The following MS4A3 variants were observed in gnomAD, a reference collection of about 807,000 sequenced individuals.
The protein encoded by MS4A3 is membrane-spanning 4-domains subfamily A member 3.
In MS4A3, 18 loss-of-function variants were observed where a neutral mutation model predicts 24.7. That is an observed-to-expected ratio of 0.73 (90% CI 0.50 to 1.08). The LOEUF (loss-of-function observed/expected upper bound fraction) is 1.08, where lower values mean the gene tolerates loss of function less well. Ranked by LOEUF, MS4A3 falls within the 50% of genes least tolerant of loss-of-function variation. The probability of loss-of-function intolerance (pLI) is 0.00; values close to 1 mark genes in which losing one functional copy is unlikely to be tolerated. For synonymous variants in MS4A3, 84 were observed against 95.3 expected (o/e 0.88, Z 0.69); for missense variants, 282 against 251.7 (o/e 1.12, Z -0.82).
Position 60,071,080 on chromosome 11 carries a change from GGTT to G in MS4A3, c.*848_*850del. On this transcript the variant is annotated 3_prime_UTR_variant, in exon 7 of 7. Coordinates refer to ENST00000278865, the MANE Select transcript of MS4A3 (RefSeq NM_006138.5). ...CAACTACTTTGTCGGTTGCTCTGAGGGTTAAATGAAAATAAAAAGAAAATGTGA... is the reference window on the plus strand; with the variant it reads ...CAACTACTTTGTCGGTTGCTCTGAGGAAATGAAAATAAAAAGAAAATGTGA... 6.6e-6 allele frequency: 1 copy of G among 152,260 alleles called. No individual in the cohort carries two copies. 9.4% of individuals were successfully genotyped at this position (152,260 alleles called of 1,614,324 possible). A position where few individuals can be genotyped will look rare whatever the true frequency, so the allele number is the denominator to read the frequency against.
At chr11:60,059,178 A>C (rs948260984) in intron 1 of MS4A3, among the ~76,000 whole-genome samples, 1 of 152,184 alleles carries the variant, frequency 6.6e-6, no homozygotes, top group Non-Finnish European at 1.5e-5. Flanking sequence ...CAGTGTAATA[A>C]TAAAACATGG....
rs1855269919 is a variant in MS4A3 at position 60,061,276 on chromosome 11, G to T, written c.116G>T (p.Gly39Val). Residue 39 changes from glycine (G) to valine (V), a missense_variant, in exon 2 of 7, where the codon GGA becomes GTA. Coordinates refer to ENST00000278865, the MANE Select transcript of MS4A3 (RefSeq NM_006138.5). ...LNTSVYQPID[G>V]SPDYQKAKLQ... ...ACTTCTGTCTACCAGCCCATAGATG[G>T]ATCACCAGATTATCAGAAAGCAAAA... The T allele has an allele frequency of 5.0e-6, 8 of 1,612,946 alleles. No homozygotes were observed. The highest frequency in any genetic ancestry group is 6.8e-6 in the Non-Finnish European group (8 of 1,179,668).
rs781103811 is a variant in MS4A3 at position 60,067,131 on chromosome 11, T to C, written c.513+19T>C. On this transcript the variant is annotated intron_variant, in intron 5 of 6. Coordinates refer to ENST00000278865, the MANE Select transcript of MS4A3 (RefSeq NM_006138.5). ...ATCAAATGTATGTTTCTGAAAAATA[T>C]GTATAAGTATAAAATATTTCAAACA... The C allele has an allele frequency of 6.4e-7, 1 of 1,571,984 alleles. No individual in the cohort carries two copies. The highest frequency in any genetic ancestry group is 2.3e-5 in the East Asian group (1 of 44,278).
At chr11:60,061,356 G>A (rs372306894) in intron 2 of MS4A3, 40 bp downstream of exon 2, 2 of 1,569,386 alleles carry the variant, frequency 1.3e-6, no homozygotes, top group Non-Finnish European at 1.7e-6. Context: ...TAAGAGGGAA[G>A]AAAATAAATA....
intron 4 of MS4A3, 89 bp from the exon 5 acceptor site, chr11:60,066,862 A>AG: frequency 1.9e-6 from 2 of 1,067,996 alleles, no homozygotes; most frequent in Non-Finnish European, 2.6e-6. Context: ...TGTAAACAAT[A>AG]TTCAATCAAT....
At chr11:60,068,359 C>A (rs1855409318) in intron 5 of MS4A3, among the ~76,000 whole-genome samples, 1 of 149,622 alleles carries the variant, frequency 6.7e-6, no homozygotes, top group African/African-American at 2.4e-5. Flanking sequence ...CCTGCCTCAG[C>A]CTCCCGAGTA....
intron 1 of MS4A3, among the ~76,000 whole-genome samples, chr11:60,058,246 G>A (rs527410689): frequency 3.3e-5 from 5 of 151,906 alleles, no homozygotes; most frequent in African/African-American, 4.8e-5. Context: ...ATTGATTCAC[G>A]CCTGTAATCC....
chr11:60,062,529 A>G lies in MS4A3; in HGVS notation c.218A>G (p.Gln73Arg), dbSNP rs1466525192. The change falls in exon 3 of 7, where the codon CAA (glutamine) becomes CGA (arginine). Residue 73 changes from glutamine (Q) to arginine (R), a missense_variant. Gln to Arg is a conservative substitution (Grantham distance 43). Coordinates refer to ENST00000278865, the MANE Select transcript of MS4A3 (RefSeq NM_006138.5). ...TTGGGTGTCTTTCTGGGTTCCTTGCAATACCCATACCACTTCCAAAAGCAC... is the reference window on the plus strand; with the variant it reads ...TTGGGTGTCTTTCTGGGTTCCTTGCGATACCCATACCACTTCCAAAAGCAC... ...LALGVFLGSL[Q>R]YPYHFQKHFF... 1 of 1,613,986 alleles carries G rather than the reference A, an allele frequency of 6.2e-7. No homozygotes were observed. Among genetic ancestry groups the G allele is most frequent in the African/African-American group, 1.3e-5 (1 of 74,884 alleles).
chr11:60,062,276 G>C (rs904955930), intron 2 of MS4A3, among the ~76,000 whole-genome samples, 192 bp from the exon 3 acceptor site: 19 of 152,168 alleles, frequency 1.2e-4, no homozygotes, highest in Non-Finnish European at 4.4e-5. Flanking sequence ...ACAAAATGCT[G>C]CCACTGGAAT....
At chr11:60,061,787 A>T (rs1191814493) in intron 2 of MS4A3, among the ~76,000 whole-genome samples, 2 of 152,230 alleles carry the variant, frequency 1.3e-5, no homozygotes, top group Non-Finnish European at 2.9e-5. Context: ...TTCAAGAGCC[A>T]ACTGTATCAT....
intron 6 of MS4A3, among the ~76,000 whole-genome samples, chr11:60,069,983 T>A (rs1300662307): frequency 6.6e-6 from 1 of 152,252 alleles, no homozygotes; most frequent in East Asian, 1.9e-4. Flanking sequence ...TTAATAATTC[T>A]TTCTAAATTT....
At chr11:60,061,995 CA>C (rs1035061243) in intron 2 of MS4A3, among the ~76,000 whole-genome samples, 9 of 152,084 alleles carry the variant, frequency 5.9e-5, no homozygotes, top group Non-Finnish European at 8.8e-5. Context: ...GCCTTTTGAC[CA>C]GCCATTTGAG....
At chr11:60,064,230 C>T in intron 3 of MS4A3, 32 bp from the exon 4 acceptor site, 1 of 1,560,108 alleles carries the variant, frequency 6.4e-7, no homozygotes, top group South Asian at 1.2e-5. Flanking sequence ...CTTAATATTC[C>T]TTTATCTGTT....
At chr11:60,070,151 G>A (rs1855451740) in intron 6 of MS4A3, 53 bp from the exon 7 acceptor site, 2 of 1,434,046 alleles carry the variant, frequency 1.4e-6, no homozygotes, top group South Asian at 1.2e-5. Flanking sequence ...GGGATGGGAG[G>A]AGAAGGAGAT....
In MS4A3 at chr11:60,066,961, GT is replaced by G; in HGVS notation, c.366del (p.Phe122LeufsTer3). 6.2e-7 allele frequency: 1 copy of G among 1,601,508 alleles called. No individual in the cohort carries two copies. Among genetic ancestry groups the G allele is most frequent in the Non-Finnish European group, 8.5e-7 (1 of 1,177,320 alleles). ...CTTATTCTTTTTTAGATACAGAACA[GT>G]TTTGGAATGAACATTGCCAGTGCTA... ...IKPTRTWIQN[S>X]FGMNIASATI... On this transcript the variant is annotated frameshift_variant, in exon 5 of 7. Coordinates refer to ENST00000278865, the MANE Select transcript of MS4A3 (RefSeq NM_006138.5). LOFTEE classifies it high-confidence loss of function.
At chr11:60,062,650 C>G in intron 3 of MS4A3, 45 bp downstream of exon 3, 1 of 1,606,306 alleles carries the variant, frequency 6.2e-7, no homozygotes, top group Non-Finnish European at 8.5e-7. Context: ...TCTTAGATAC[C>G]ACTGCTGGAG....
intron 6 of MS4A3, 128 bp downstream of exon 6, chr11:60,069,803 A>G: frequency 1.3e-6 from 1 of 763,012 alleles, no homozygotes; most frequent in Non-Finnish European, 2.2e-6. Flanking sequence ...GGAATTAGAG[A>G]TTGTATGAAT....
At chr11:60,068,530 G>T (rs1478810619) in intron 5 of MS4A3, among the ~76,000 whole-genome samples, 1 of 151,768 alleles carries the variant, frequency 6.6e-6, no homozygotes, top group Non-Finnish European at 1.5e-5. Context: ...GGGATTACAG[G>T]CATGAGCCAC....
intron 1 of MS4A3, among the ~76,000 whole-genome samples, chr11:60,059,132 T>C (rs1354726212): frequency 6.6e-6 from 1 of 152,176 alleles, no homozygotes; most frequent in Non-Finnish European, 1.5e-5. Flanking sequence ...TTTATCAGTA[T>C]TGGTAGAGAA....
Sources: allele counts gnomAD v4.1 joint callset (sites outside exome capture counted in the v4.1 genomes callset), GRCh38; gene constraint gnomAD v4.1.1; transcripts MANE v1.5; gene names NCBI Gene and HGNC (gene_info 2026-07-23, HGNC 2026-07-21).